The following PHTF1 variants were observed in gnomAD, a reference collection of about 807,000 sequenced individuals.
The protein encoded by PHTF1 is protein PHTF1.
PHTF1 carries 88 observed loss-of-function variants against 102.4 expected under a neutral mutation model. The ratio of observed to expected loss-of-function variants is 0.86; its 90% CI spans 0.72 to 1.03. The LOEUF is 1.03. PHTF1 is among the 50% of genes least tolerant of loss of function. The pLI, the probability that PHTF1 is intolerant of heterozygous loss-of-function variation, is 0.00. For missense variants in PHTF1, 814 were observed against 909.5 expected, an observed-to-expected ratio of 0.89 and a Z score of 1.35; for synonymous variants, 289 against 305.2, an observed-to-expected ratio of 0.95 and a Z score of 0.55.
chr1:113,708,296 A>C (rs1401784581), intron 11 of PHTF1, among the ~76,000 whole-genome samples: 1 of 152,196 alleles, frequency 6.6e-6, no homozygotes, highest in African/African-American at 2.4e-5. Flanking sequence ...GTATTTAGAC[A>C]GCTGAATCAA....
chr1:113,743,924 C>G (rs1223807956), intron 3 of PHTF1, among the ~76,000 whole-genome samples: 2 of 152,162 alleles, frequency 1.3e-5, no homozygotes, highest in Non-Finnish European at 2.9e-5. Flanking sequence ...CATTCTCATT[C>G]CAAAGTCTGT....
At chr1:113,737,334 T>C (rs912155286) in intron 5 of PHTF1, among the ~76,000 whole-genome samples, 8 of 152,178 alleles carry the variant, frequency 5.3e-5, no homozygotes, top group Non-Finnish European at 1.2e-4. Context: ...TTTATATAAT[T>C]AACTTCAAGA....
intron 5 of PHTF1, among the ~76,000 whole-genome samples, chr1:113,728,486 C>T (rs771130289): frequency 3.7e-4 from 57 of 152,272 alleles, no homozygotes; most frequent in Non-Finnish European, 5.6e-4. Context: ...AGGGAACCCC[C>T]GTACACTGTT....
At chr1:113,736,451 A>G (rs1655508495) in intron 5 of PHTF1, among the ~76,000 whole-genome samples, 1 of 151,744 alleles carries the variant, frequency 6.6e-6, no homozygotes, top group Admixed American at 6.6e-5. Flanking sequence ...AAGCCTTAAG[A>G]ATGCTTTAAA....
At chr1:113,759,724 C>G (rs974140325), upstream of PHTF1, among the ~76,000 whole-genome samples, 1 of 152,230 alleles carries the variant, frequency 6.6e-6, no homozygotes, top group Non-Finnish European at 1.5e-5. Context: ...AACGACTCTC[C>G]CATCCAGCGG....
At chr1:113,721,459 GC>G (rs1652924507) in intron 7 of PHTF1, among the ~76,000 whole-genome samples, 1 of 152,254 alleles carries the variant, frequency 6.6e-6, no homozygotes, top group African/African-American at 2.4e-5. Context: ...TGACAAAGAT[GC>G]CCACTTTCAT....
rs1201148136 is a variant in PHTF1 at position 113,700,003 on chromosome 1, T to A, written c.2047-204A>T. The A allele has an allele frequency of 3.2e-6, 3 of 939,116 alleles. No individual in the cohort carries two copies. The African/African-American group carries it at 5.1e-5, about 16-fold the overall frequency. 58.2% of individuals were successfully genotyped at this position (939,116 alleles called of 1,614,324 possible). A position where few individuals can be genotyped will look rare whatever the true frequency, so the allele number is the denominator to read the frequency against. ...CTGGCAAAGAAAAACTATTTAGTGA[T>A]GAAAAATTAATGATGAAGCAATTTA... On this transcript the variant is annotated intron_variant, in intron 16 of 18. Transcript: ENST00000369604.
At chr1:113,750,121 A>C (rs1477610838) in intron 3 of PHTF1, among the ~76,000 whole-genome samples, 2 of 151,874 alleles carry the variant, frequency 1.3e-5, no homozygotes, top group Non-Finnish European at 2.9e-5. Context: ...CAGCTTCCCC[A>C]GTATCTGGGA....
chr1:113,714,120 T>C (rs1240484439), intron 7 of PHTF1: 1 of 145,386 alleles, frequency 6.9e-6, no homozygotes, highest in Non-Finnish European at 1.5e-5. Flanking sequence ...TAATCAACAG[T>C]GGTAGCCAGG....
In PHTF1 at chr1:113,700,834, T is replaced by C. The variant is rs1649358325; in HGVS notation, c.2006A>G (p.Asn669Ser). 3.1e-6 allele frequency: 5 copies of C among 1,613,962 alleles called. No homozygotes were observed. The highest frequency in any genetic ancestry group is 2.2e-5 in the East Asian group (1 of 44,874). Residue 669 changes from asparagine to serine, a missense_variant, in exon 16 of 19, where the codon AAT (asparagine) becomes AGT (serine). Asn to Ser is a conservative substitution (Grantham distance 46). Transcript: ENST00000369604. ...LRLASLGSET[N>S]KKYSNVSILL... Reference sequence around the variant, plus strand: ...TATTGAAACATTGCTGTATTTCTTATTGGTTTCAGACCCCAGTGAGGCCAG... The same window carrying C: ...TATTGAAACATTGCTGTATTTCTTACTGGTTTCAGACCCCAGTGAGGCCAG...
chr1:113,750,002 G>GA (rs1657793572), intron 3 of PHTF1, among the ~76,000 whole-genome samples: 1 of 146,292 alleles, frequency 6.8e-6, no homozygotes, highest in Non-Finnish European at 1.5e-5. Flanking sequence ...TTTTGTTTTT[G>GA]TTTTTTTTTC....
chr1:113,722,425 C>A (rs540879454), intron 7 of PHTF1, among the ~76,000 whole-genome samples: 4 of 151,334 alleles, frequency 2.6e-5, no homozygotes, highest in Non-Finnish European at 5.9e-5. Flanking sequence ...GGCGATAGAG[C>A]GAGACTCTGT....
At chr1:113,726,861 T>C (rs1653924210) in intron 5 of PHTF1, among the ~76,000 whole-genome samples, 1 of 152,166 alleles carries the variant, frequency 6.6e-6, no homozygotes, top group African/African-American at 2.4e-5. Context: ...ATGCTGTATA[T>C]AAAACACATT....
intron 15 of PHTF1, among the ~76,000 whole-genome samples, chr1:113,701,444 GGTTTTT>G (rs889643535): frequency 6.6e-6 from 1 of 152,026 alleles, no homozygotes; most frequent in African/African-American, 2.4e-5. Flanking sequence ...TCCGGTAAAA[GGTTTTT>G]GTTTTTGTTT....
intron 7 of PHTF1, among the ~76,000 whole-genome samples, chr1:113,721,058 T>A (rs1652850769): frequency 6.6e-6 from 1 of 152,130 alleles, no homozygotes; most frequent in Non-Finnish European, 1.5e-5. Flanking sequence ...TGAGCCAAGA[T>A]CATGCCACTG....
At chr1:113,718,280 G>A (rs756715385) in intron 7 of PHTF1, among the ~76,000 whole-genome samples, 5 of 152,198 alleles carry the variant, frequency 3.3e-5, no homozygotes, top group Non-Finnish European at 7.3e-5. Flanking sequence ...TCCAGGTCAC[G>A]CTGATGCAAA....
chr1:113,749,232 T>C (rs1054616796), intron 3 of PHTF1, among the ~76,000 whole-genome samples: 2 of 152,210 alleles, frequency 1.3e-5, no homozygotes, highest in African/African-American at 2.4e-5. Context: ...TTTCTTCTTT[T>C]TCTTTAGGTC....
Position 113,712,027 on chromosome 1 carries a change from CAAT to C in PHTF1, c.867_869del (p.Leu290del). The C allele has an allele frequency of 1.2e-6, 2 of 1,613,854 alleles. No homozygotes were observed. The highest frequency in any genetic ancestry group is 1.7e-6 in the Non-Finnish European group (2 of 1,179,764). ...TTGAGGCCCCTTCCACACTCCTACG[CAAT>C]AATATCATCTGTGTCCGTGCTTCAC... On this transcript the variant is annotated inframe_deletion, in exon 9 of 19. Coordinates refer to ENST00000369604, the MANE Select transcript of PHTF1 (RefSeq NM_001323043.2).
At chr1:113,737,411 G>A (rs547011657) in intron 5 of PHTF1, among the ~76,000 whole-genome samples, 22 of 152,286 alleles carry the variant, frequency 1.4e-4, no homozygotes, top group African/African-American at 4.1e-4. Context: ...GAAGTGCAGC[G>A]GAGAGATCTG....
Sources: gnomAD v4.1 joint callset for allele counts (sites outside exome capture counted in the v4.1 genomes callset) on GRCh38, gnomAD v4.1.1 for gene constraint, MANE v1.5 for transcripts, NCBI Gene and HGNC (gene_info 2026-07-23, HGNC 2026-07-21) for gene names.